Variants in IL1RAPL2 observed in about 807,000 individuals in gnomAD.
The protein encoded by IL1RAPL2 is X-linked interleukin-1 receptor accessory protein-like 2.
In IL1RAPL2, 3 loss-of-function variants were observed where a neutral mutation model predicts 44.1. The observed-to-expected ratio is 0.07, with a 90% CI of 0.03 to 0.18. The LOEUF (loss-of-function observed/expected upper bound fraction) is 0.18. Among genes scored for constraint, IL1RAPL2 ranks in the 10% least tolerant of loss-of-function variants. The pLI, the probability that IL1RAPL2 is intolerant of heterozygous loss-of-function variation, is 1.00. For synonymous variants in IL1RAPL2, 181 were observed against 178.8 expected (o/e 1.01, Z -0.10); for missense variants, 391 against 496.4 (o/e 0.79, Z 2.02).
rs1377778637 is a variant in IL1RAPL2, at chrX:105,267,273, A to G, written c.544-115A>G. ...GTCATTGACTTAACTCCTTAGTTAC[A>G]TATTTTGAAAACGAAAGAGAATAAT... On this transcript the variant is annotated intron_variant, in intron 4 of 10. Coordinates refer to ENST00000372582, the MANE Select transcript of IL1RAPL2 (RefSeq NM_017416.2). 8 of 638,347 alleles carry G rather than the reference A, an allele frequency of 1.3e-5. No homozygotes were observed. In the African/African-American group the frequency reaches 1.8e-4, roughly 14 times the overall value. The allele number at this position is 638,347 out of a possible 1,213,427, so 52.6% of individuals were successfully genotyped here.
chrX:105,150,106 A>G (rs2033213746), intron 2 of IL1RAPL2, among the ~76,000 whole-genome samples: 1 of 111,018 alleles, frequency 9.0e-6, no homozygotes, highest in South Asian at 3.8e-4. Context: ...ACATCAATAT[A>G]GAATCATCAG....
At chrX:105,616,388 A>G (rs1407032596) in intron 6 of IL1RAPL2, among the ~76,000 whole-genome samples, 1 of 112,184 alleles carries the variant, frequency 8.9e-6, no homozygotes, top group Non-Finnish European at 1.9e-5. Flanking sequence ...TTACCATTTT[A>G]TAATTCCACC....
chrX:105,307,627 A>ATATATATTATATATAATATATATTT (rs2034760095), intron 5 of IL1RAPL2, among the ~76,000 whole-genome samples: 1 of 47,565 alleles, frequency 2.1e-5, no homozygotes, highest in African/African-American at 2.0e-4. Flanking sequence ...ATTTTCTATT[A>ATATATATTATATATAATATATATTT]TATATATTAT....
intron 2 of IL1RAPL2, among the ~76,000 whole-genome samples, chrX:104,684,035 C>T (rs904469256): frequency 1.8e-5 from 2 of 111,841 alleles, no homozygotes; most frequent in African/African-American, 3.3e-5. Flanking sequence ...TTTATTATCT[C>T]TCATCCTTTC....
At chrX:105,510,511 A>G (rs185915452) in intron 6 of IL1RAPL2, among the ~76,000 whole-genome samples, 3 of 111,988 alleles carry the variant, frequency 2.7e-5, no homozygotes, top group Admixed American at 1.9e-4. Flanking sequence ...TGGATACAGT[A>G]ATGCCTCCTC....
At chrX:105,194,514 C>T (rs1299730889) in intron 2 of IL1RAPL2, among the ~76,000 whole-genome samples, 4 of 111,517 alleles carry the variant, frequency 3.6e-5, no homozygotes, top group East Asian at 2.8e-4. Context: ...CATTTTTAAC[C>T]GTTCTGGAAA....
intron 2 of IL1RAPL2, among the ~76,000 whole-genome samples, chrX:104,663,385 G>A (rs1210618173): frequency 1.8e-5 from 2 of 111,030 alleles, no homozygotes; most frequent in Non-Finnish European, 3.8e-5. Flanking sequence ...ACCATGCTTT[G>A]AACCCTCAAA....
At chrX:105,029,776 C>G (rs769908101) in intron 2 of IL1RAPL2, among the ~76,000 whole-genome samples, 2 of 110,953 alleles carry the variant, frequency 1.8e-5, no homozygotes, top group Non-Finnish European at 3.8e-5. Flanking sequence ...CAGTAATGGG[C>G]TGGCTGTGTC....
chrX:104,586,849 T>C (rs1354406980), intron 1 of IL1RAPL2, among the ~76,000 whole-genome samples: 2 of 112,095 alleles, frequency 1.8e-5, no homozygotes, highest in Non-Finnish European at 3.8e-5. Context: ...TTATTTTCTT[T>C]CTCCTGAGAA....
At chrX:104,882,657 C>A (rs1286380554) in intron 2 of IL1RAPL2, among the ~76,000 whole-genome samples, 6 of 111,944 alleles carry the variant, frequency 5.4e-5, no homozygotes, top group Admixed American at 9.5e-5. Context: ...ATGGACCAAT[C>A]AGCAGGACGT....
chrX:104,983,482 ATAT>A (rs1313039761), intron 2 of IL1RAPL2, among the ~76,000 whole-genome samples: 35 of 100,112 alleles, frequency 3.5e-4, no homozygotes, highest in African/African-American at 1.0e-3. Context: ...ATATTATATA[ATAT>A]TATATTAGAT....
At chrX:105,131,392 C>T (rs2033024858) in intron 2 of IL1RAPL2, among the ~76,000 whole-genome samples, 1 of 109,699 alleles carries the variant, frequency 9.1e-6, no homozygotes, top group African/African-American at 3.3e-5. Context: ...ATAGAAACAG[C>T]CATATATAAT....
intron 2 of IL1RAPL2, among the ~76,000 whole-genome samples, chrX:105,090,693 A>G (rs1304526181): frequency 8.9e-6 from 1 of 112,431 alleles, no homozygotes; most frequent in Non-Finnish European, 1.9e-5. Context: ...AAAGTTGAGG[A>G]CATCCTCCAA....
At chrX:104,576,893 G>A (rs142934790) in intron 1 of IL1RAPL2, among the ~76,000 whole-genome samples, 2,428 of 111,543 alleles carry the variant, frequency 0.022, 73 homozygotes, top group African/African-American at 0.074. Context: ...ACAGTACATG[G>A]TCTAAAACCT....
chrX:105,325,900 T>C (rs183863369), intron 5 of IL1RAPL2, among the ~76,000 whole-genome samples: 339 of 111,325 alleles, frequency 3.0e-3, no homozygotes, highest in Non-Finnish European at 3.3e-3. Flanking sequence ...GTTCAGGTCC[T>C]TTGACCATTT....
At chrX:105,409,853 C>T (rs28627854) in intron 5 of IL1RAPL2, among the ~76,000 whole-genome samples, 76 of 34,191 alleles carry the variant, frequency 2.2e-3, no homozygotes, top group African/African-American at 4.0e-3. Context: ...GATAGACAGA[C>T]AGACAGACAG....
At chrX:105,698,407 T>C (rs977383325) in intron 6 of IL1RAPL2, among the ~76,000 whole-genome samples, 1 of 112,160 alleles carries the variant, frequency 8.9e-6, no homozygotes, top group South Asian at 3.7e-4. Context: ...TTCTCTTGTC[T>C]GGTAGCATTG....
chrX:105,233,041 T>C (rs1556197317), intron 3 of IL1RAPL2, among the ~76,000 whole-genome samples: 1 of 112,148 alleles, frequency 8.9e-6, no homozygotes, highest in Admixed American at 9.5e-5. Context: ...GTAATCACTT[T>C]GGGAGGCCGA....
chrX:104,798,848 A>T (rs1399967620), intron 2 of IL1RAPL2, among the ~76,000 whole-genome samples: 1 of 110,963 alleles, frequency 9.0e-6, no homozygotes, highest in African/African-American at 3.3e-5. Flanking sequence ...GTCCCTATCC[A>T]TTCCTTTTTC....
Sources: allele counts gnomAD v4.1 joint callset (sites outside exome capture counted in the v4.1 genomes callset), GRCh38; gene constraint gnomAD v4.1.1; transcripts MANE v1.5; gene names NCBI Gene and HGNC (gene_info 2026-07-23, HGNC 2026-07-21).